Variants in DOCK10 observed in about 807,000 individuals in gnomAD.
The protein encoded by DOCK10 is dedicator of cytokinesis 10.
A neutral mutation model predicts 280.1 loss-of-function variants in DOCK10; 145 were observed. That is an observed-to-expected ratio of 0.52 (90% CI 0.45 to 0.59). DOCK10 has a LOEUF of 0.59. DOCK10 is among the 20% of genes least tolerant of loss of function. The pLI is 0.00. For synonymous variants in DOCK10, 915 were observed against 942.2 expected (o/e 0.97, Z 0.53); for missense variants, 2,368 against 2,651.7 (o/e 0.89, Z 2.35).
chr2:224,998,972 A>AG (rs1201242318), intron 1 of DOCK10, among the ~76,000 whole-genome samples: 8 of 152,134 alleles, frequency 5.3e-5, no homozygotes, highest in African/African-American at 1.9e-4. Context: ...GGATCACTTG[A>AG]GGTCAGGAGT....
At chr2:224,893,544 C>T in intron 4 of DOCK10, 1 of 303,346 alleles carries the variant, frequency 3.3e-6, no homozygotes, top group East Asian at 1.2e-4. Context: ...CTTTTTTCTT[C>T]TGGGATCTCC....
intron 1 of DOCK10, among the ~76,000 whole-genome samples, chr2:224,989,366 G>A (rs1706067030): frequency 6.6e-6 from 1 of 152,222 alleles, no homozygotes; most frequent in Non-Finnish European, 1.5e-5. Context: ...GCCTTTCCAT[G>A]ACAGCTCAGA....
chr2:225,006,342 G>C (rs1430999464), intron 1 of DOCK10, among the ~76,000 whole-genome samples: 1 of 152,144 alleles, frequency 6.6e-6, no homozygotes, highest in Non-Finnish European at 1.5e-5. Flanking sequence ...TCTCCCTCAA[G>C]TTCATCAAAT....
chr2:224,772,910 T>C (rs749797994), intron 53 of DOCK10, among the ~76,000 whole-genome samples: 2 of 152,176 alleles, frequency 1.3e-5, no homozygotes, highest in East Asian at 1.9e-4. Context: ...CCATAGAAGA[T>C]GGGATAGCAA....
chr2:224,968,983 T>C (rs539167727), intron 1 of DOCK10, among the ~76,000 whole-genome samples: 152 of 152,310 alleles, frequency 1.0e-3, no homozygotes, highest in African/African-American at 3.6e-3. Context: ...GAACTCAATG[T>C]AGGGCTTGCC....
At chr2:224,886,798 A>G (rs1256303040) in intron 4 of DOCK10, among the ~76,000 whole-genome samples, 19 of 152,090 alleles carry the variant, frequency 1.2e-4, no homozygotes, top group Admixed American at 1.2e-3. Context: ...TCTGTCGCTC[A>G]GGCTAAAGTG....
intron 1 of DOCK10, among the ~76,000 whole-genome samples, chr2:224,999,240 G>GTC (rs916845973): frequency 5.7e-5 from 8 of 139,936 alleles, no homozygotes; most frequent in African/African-American, 1.9e-4. Context: ...CTCTTTCTCT[G>GTC]TCTCTCTCTC....
At chr2:224,898,567 AAT>A (rs1700116094) in intron 3 of DOCK10, among the ~76,000 whole-genome samples, 1 of 152,136 alleles carries the variant, frequency 6.6e-6, no homozygotes, top group African/African-American at 2.4e-5. Context: ...TGTTTCTGGA[AAT>A]AAGAGGAAAA....
chr2:224,903,643 G>A (rs1381255236), intron 3 of DOCK10, among the ~76,000 whole-genome samples: 1 of 152,154 alleles, frequency 6.6e-6, no homozygotes, highest in African/African-American at 2.4e-5. Flanking sequence ...TCCAATCATT[G>A]CTCTCATGTA....
chr2:224,888,553 G>A (rs1460956775), intron 4 of DOCK10, among the ~76,000 whole-genome samples: 2 of 151,714 alleles, frequency 1.3e-5, no homozygotes, highest in African/African-American at 2.4e-5. Flanking sequence ...CAATGTATAT[G>A]TGTGTTTGTC....
chr2:224,971,826 T>C (rs1334671127), intron 1 of DOCK10, among the ~76,000 whole-genome samples: 3 of 152,226 alleles, frequency 2.0e-5, no homozygotes, highest in Non-Finnish European at 2.9e-5. Context: ...ATGTGTTATA[T>C]GTATAAATGT....
chr2:224,993,202 GTTT>G (rs112976099), intron 1 of DOCK10, among the ~76,000 whole-genome samples: 4 of 136,212 alleles, frequency 2.9e-5, no homozygotes, highest in Non-Finnish European at 1.6e-5. Flanking sequence ...TTCTTTGGAA[GTTT>G]TTTTTTTTTT....
chr2:224,868,581 G>A (rs1559608789), intron 11 of DOCK10, among the ~76,000 whole-genome samples: 1 of 152,154 alleles, frequency 6.6e-6, no homozygotes, highest in Non-Finnish European at 1.5e-5. Context: ...ATGCTTAACA[G>A]TATCTCCTAT....
Position 224,770,611 on chromosome 2 carries a change from A to C in DOCK10, c.6239T>G (p.Phe2080Cys). The C allele has an allele frequency of 3.7e-6, 6 of 1,613,992 alleles. No homozygotes were observed. Among genetic ancestry groups the C allele is most frequent in the Non-Finnish European group, 5.1e-6 (6 of 1,179,856 alleles). Residue 2080 changes from phenylalanine (F) to cysteine (C), a missense_variant, in exon 54 of 56, where the codon TTT becomes TGT. Coordinates refer to ENST00000258390, the MANE Select transcript of DOCK10 (RefSeq NM_014689.3). The surrounding 1 kb of genome is among the most constrained non-coding windows in gnomAD (Gnocchi z 4.5). Reference protein sequence around the residue: ...NAGPMAYARAFLEETNAKKYP... With the variant: ...NAGPMAYARACLEETNAKKYP... ...CTTCTTTGCATTGGTTTCTTCAAGAAAAGCTCGTGCATAGGCCATTGGCCC... is the reference window on the plus strand; with the variant it reads ...CTTCTTTGCATTGGTTTCTTCAAGACAAGCTCGTGCATAGGCCATTGGCCC...
chr2:224,886,590 G>A, intron 4 of DOCK10, 59 bp from the exon 5 acceptor site: 5 of 1,396,578 alleles, frequency 3.6e-6, no homozygotes, highest in Non-Finnish European at 3.9e-6. Context: ...TTCATTTTAA[G>A]TTGCTCCCCA....
At chr2:224,959,666 G>T (rs1409294024) in intron 1 of DOCK10, among the ~76,000 whole-genome samples, 2 of 152,034 alleles carry the variant, frequency 1.3e-5, no homozygotes, top group Non-Finnish European at 2.9e-5. Context: ...AAATAATTTT[G>T]GGGCTGTTTT....
chr2:224,980,414 A>C (rs1705685915), intron 1 of DOCK10, among the ~76,000 whole-genome samples: 1 of 152,242 alleles, frequency 6.6e-6, no homozygotes, highest in Admixed American at 6.5e-5. Context: ...TTTCCATAAC[A>C]ACAACACTGG....
intron 11 of DOCK10, among the ~76,000 whole-genome samples, chr2:224,867,124 T>C (rs906744558): frequency 6.6e-6 from 1 of 151,800 alleles, no homozygotes; most frequent in Non-Finnish European, 1.5e-5. Flanking sequence ...TATTTATCTC[T>C]ATCTGTGTAT....
chr2:224,770,190 T>C lies in DOCK10; in HGVS notation c.6444+21A>G. ...GGACTTTCTGTCCACTGATAGCGCGTGTGCACCAAGGAGCGCTCACCTGCT... is the reference window on the plus strand; with the variant it reads ...GGACTTTCTGTCCACTGATAGCGCGCGTGCACCAAGGAGCGCTCACCTGCT... On this transcript the variant is annotated intron_variant, in intron 55 of 55. Transcript: ENST00000258390. The surrounding 1 kb of genome is among the most constrained non-coding windows in gnomAD (Gnocchi z 4.5). The C allele has an allele frequency of 6.6e-7, 1 of 1,525,296 alleles. No homozygotes were observed. Among genetic ancestry groups the C allele is most frequent in the Non-Finnish European group, 8.8e-7 (1 of 1,135,508 alleles). The allele number at this position is 1,525,296 out of a possible 1,614,324, so 94.5% of individuals were successfully genotyped here.
Sources: gnomAD v4.1 joint callset for allele counts (sites outside exome capture counted in the v4.1 genomes callset) on GRCh38, gnomAD v4.1.1 for gene constraint, Gnocchi (gnomAD v3.1) non-coding constraint, MANE v1.5 for transcripts, NCBI Gene and HGNC (gene_info 2026-07-23, HGNC 2026-07-21) for gene names.